The following LPO variants were observed in gnomAD, a reference collection of about 807,000 sequenced individuals.
The protein encoded by LPO is lactoperoxidase, also known as salivary peroxidase.
Under a neutral mutation model 68.4 loss-of-function variants are expected in LPO, and 70 were observed. That is an observed-to-expected ratio of 1.02 (90% CI 0.84 to 1.25). LPO has a LOEUF of 1.25. LPO is among the 50% of genes most tolerant of loss of function. The pLI is 0.00. For synonymous variants in LPO, 360 were observed against 357.6 expected, an observed-to-expected ratio of 1.01 and a Z score of -0.08; for missense variants, 873 against 908.4, an observed-to-expected ratio of 0.96 and a Z score of 0.50.
At chr17:58,254,602 C>T in intron 8 of LPO, 1 of 483,946 alleles carries the variant, frequency 2.1e-6, no homozygotes, top group Non-Finnish European at 3.7e-6. Flanking sequence ...CAAGGTCACA[C>T]AGCTAAAAAG....
intron 6 of LPO, among the ~76,000 whole-genome samples, chr17:58,250,032 G>C (rs8178335): frequency 1.3e-5 from 2 of 151,930 alleles, no homozygotes; most frequent in Admixed American, 1.3e-4. Flanking sequence ...TGGCCTTATC[G>C]AGCTGGCAGC....
At chr17:58,247,717 C>A in intron 4 of LPO, 79 bp downstream of exon 4, 1 of 1,493,844 alleles carries the variant, frequency 6.7e-7, no homozygotes, top group South Asian at 1.2e-5. Flanking sequence ...CCCAAAGCTG[C>A]ACTTCCTGTT....
intron 6 of LPO, among the ~76,000 whole-genome samples, 174 bp from the exon 7 acceptor site, chr17:58,250,241 C>A (rs1052243980): frequency 4.6e-5 from 7 of 152,290 alleles, no homozygotes; most frequent in Non-Finnish European, 8.8e-5. Flanking sequence ...CTTCACCTGT[C>A]CAGGATTCAA....
In LPO at chr17:58,255,343, G is replaced by A. The variant is rs1438074354; in HGVS notation, c.1266+372G>A. On this transcript the variant is annotated intron_variant, in intron 9 of 12. Transcript: ENST00000262290. ...TTCCTTTTTAATTGTCTACATCTAC[G>A]CCCATCTCATGGGCATACTCAGCGG... is the stretch of plus-strand genomic sequence containing the variant. 5.3e-5 allele frequency among the ~76,000 whole-genome samples: 8 copies of A among 152,168 alleles called. No individual in the cohort carries two copies. In the East Asian group the frequency reaches 5.8e-4, roughly 11 times the overall value.
chr17:58,247,429 C>G (rs777884350), intron 3 of LPO, 49 bp from the exon 4 acceptor site: 1 of 1,578,328 alleles, frequency 6.3e-7, no homozygotes, highest in East Asian at 2.2e-5. Flanking sequence ...GGCCCCCAGC[C>G]CCCTTCCTAC....
At position 58,266,349 on chromosome 17, in the gene LPO, G is replaced by T. The variant is rs1320462709; in HGVS notation, c.1693+23G>T. 1.9e-6 allele frequency: 3 copies of T among 1,607,610 alleles called. No individual in the cohort carries two copies. In the African/African-American group the frequency reaches 4.0e-5, roughly 22 times the overall value. ...CTGGTGAGTGTCTGAAGTCTGGCCT[G>T]CACTGGGGAAATTTTAGCTAACTTT... On this transcript the variant is annotated intron_variant, in intron 11 of 12. Transcript: ENST00000262290.
At chr17:58,266,485 G>A (rs369299488) in intron 11 of LPO, among the ~76,000 whole-genome samples, 159 bp downstream of exon 11, 1 of 151,806 alleles carries the variant, frequency 6.6e-6, no homozygotes, top group East Asian at 1.9e-4. Flanking sequence ...TTTTGAGACA[G>A]GGTCTTGCTC....
In LPO at chr17:58,267,923, C is replaced by T. The variant is rs773012302; in HGVS notation, c.2068C>T (p.Pro690Ser). 1 of 1,614,186 alleles carries T rather than the reference C, an allele frequency of 6.2e-7. No homozygotes were observed. The highest frequency in any genetic ancestry group is 2.2e-5 in the East Asian group (1 of 44,884). The change falls in exon 13 of 13, where the codon CCC becomes TCC. Residue 690 changes from proline to serine, a missense_variant. Transcript: ENST00000262290. Reference sequence around the variant, plus strand: ...GGACCCATTCTGGGCCAACAGCTACCCCTATGACTTCGTGGATTGCTCAGC... The same window carrying T: ...GGACCCATTCTGGGCCAACAGCTACTCCTATGACTTCGTGGATTGCTCAGC... ...PRDPFWANSY[P>S]YDFVDCSAID...
At chr17:58,252,573 C>A in intron 8 of LPO, 67 bp downstream of exon 8, 1 of 1,455,986 alleles carries the variant, frequency 6.9e-7, no homozygotes, top group East Asian at 2.4e-5. Flanking sequence ...TTTACCACTG[C>A]CCCCTTCTTG....
chr17:58,265,052 C>CA, intron 10 of LPO, 78 bp downstream of exon 10: 1 of 1,567,218 alleles, frequency 6.4e-7, no homozygotes, highest in South Asian at 1.1e-5. Context: ...GGTTGGAAGT[C>CA]AGATTCCAAG....
intron 9 of LPO, among the ~76,000 whole-genome samples, chr17:58,259,165 G>C (rs1484083737): frequency 1.3e-5 from 2 of 151,958 alleles, no homozygotes; most frequent in African/African-American, 4.8e-5. Context: ...CCTAGTCCTA[G>C]GTCCCAAAGA....
At chr17:58,257,741 A>G (rs1400632797) in intron 9 of LPO, among the ~76,000 whole-genome samples, 1 of 152,226 alleles carries the variant, frequency 6.6e-6, no homozygotes, top group African/African-American at 2.4e-5. Flanking sequence ...TGGTTGTACT[A>G]ATTTACATTC....
At chr17:58,255,718 G>A (rs1970058131) in intron 9 of LPO, among the ~76,000 whole-genome samples, 1 of 152,174 alleles carries the variant, frequency 6.6e-6, no homozygotes, top group Non-Finnish European at 1.5e-5. Context: ...AAATGTACAA[G>A]GAGGTCCCAT....
chr17:58,264,841 C>A lies in LPO; in HGVS notation c.1386C>A (p.Phe462Leu). ...CCAGAATTTCCAATGTCTTCACCTTCGCCTTCCGCTTTGGCCACTTGGAGG... is the reference window on the plus strand; with the variant it reads ...CCAGAATTTCCAATGTCTTCACCTTAGCCTTCCGCTTTGGCCACTTGGAGG... ...VDPRISNVFTFAFRFGHLEVP... is the reference protein window; with the variant it reads ...VDPRISNVFTLAFRFGHLEVP... Residue 462 changes from phenylalanine to leucine, a missense_variant, in exon 10 of 13, where the codon TTC becomes TTA. Phe to Leu is a conservative substitution (Grantham distance 22). Transcript: ENST00000262290. The A allele has an allele frequency of 6.2e-7, 1 of 1,614,242 alleles. No homozygotes were observed. Among genetic ancestry groups the A allele is most frequent in the South Asian group, 1.1e-5 (1 of 91,088 alleles).
chr17:58,250,347 T>C, intron 6 of LPO, 68 bp from the exon 7 acceptor site: 1 of 1,194,256 alleles, frequency 8.4e-7, no homozygotes, highest in Non-Finnish European at 1.3e-6. Context: ...TAATAAGCTG[T>C]AGTTGCATCT....
rs982400801 is a variant in LPO, at chr17:58,240,437, T to G, written c.-3+1698T>G. On this transcript the variant is annotated intron_variant, in intron 1 of 12. Coordinates refer to ENST00000262290, the MANE Select transcript of LPO (RefSeq NM_006151.3). The stretch of plus-strand genomic sequence containing the variant: ...AGCCTCTTGTTGGCCTCTTACACTC[T>G]AAAGCCCCAGGCCCTCTTGCCCTGT... 1.4e-4 allele frequency among the ~76,000 whole-genome samples: 21 copies of G among 152,340 alleles called. No homozygotes were observed. In the Middle Eastern group the frequency reaches 0.01, roughly 74 times the overall value.
chr17:58,262,199 G>T (rs944532194), intron 9 of LPO, among the ~76,000 whole-genome samples: 2 of 152,168 alleles, frequency 1.3e-5, no homozygotes, highest in Non-Finnish European at 2.9e-5. Context: ...AGGTCTGTGT[G>T]CAGCAAATTC....
Position 58,252,101 on chromosome 17 carries a change from T to C in LPO, c.781-81T>C, listed in dbSNP as rs1490784428. 3.7e-6 allele frequency: 5 copies of C among 1,344,730 alleles called. No homozygotes were observed. The African/African-American group carries it at 4.3e-5, about 12-fold the overall frequency. 83.3% of individuals were successfully genotyped at this position (1,344,730 alleles called of 1,614,324 possible). A position where few individuals can be genotyped will look rare whatever the true frequency, so the allele number is the denominator to read the frequency against. On this transcript the variant is annotated intron_variant, in intron 7 of 12. Transcript: ENST00000262290. ...GGAGGGTGCCATCAGCATCTTTGCA[T>C]CCAGACTTGCCCTGGGGAGAGGTTG...
intron 10 of LPO, 67 bp downstream of exon 10, chr17:58,265,041 G>A (rs1970237890): frequency 3.2e-6 from 5 of 1,585,246 alleles, no homozygotes; most frequent in Non-Finnish European, 3.4e-6. Flanking sequence ...AGGGAAACTT[G>A]GGTTGGAAGT....
Sources: gnomAD v4.1 joint callset for allele counts (sites outside exome capture counted in the v4.1 genomes callset) on GRCh38, gnomAD v4.1.1 for gene constraint, MANE v1.5 for transcripts, NCBI Gene and HGNC (gene_info 2026-07-23, HGNC 2026-07-21) for gene names.